The following DAB1 variants were observed in gnomAD, a reference collection of about 807,000 sequenced individuals.
DAB1 encodes DAB adaptor protein 1, also known as disabled homolog 1.
A neutral mutation model predicts 64.6 loss-of-function variants in DAB1; 15 were observed. The observed-to-expected ratio is 0.23, with a 90% CI of 0.16 to 0.36. The LOEUF (loss-of-function observed/expected upper bound fraction) is 0.36, where lower values mean the gene tolerates loss of function less well. Among genes scored for constraint, DAB1 ranks in the 10% least tolerant of loss-of-function variants. The pLI is 1.00. For missense variants in DAB1, 596 were observed against 706.7 expected (o/e 0.84, Z 1.78); for synonymous variants, 235 against 251.9 (o/e 0.93, Z 0.64).
chr1:57,429,394 C>T (rs1685415777), intron 7 of DAB1, among the ~76,000 whole-genome samples: 1 of 152,166 alleles, frequency 6.6e-6, no homozygotes, highest in African/African-American at 2.4e-5. Context: ...GTATTAACCC[C>T]TTATCAGATA....
At chr1:57,225,065 C>A (rs1317375579) in intron 2 of DAB1, among the ~76,000 whole-genome samples, 1 of 152,182 alleles carries the variant, frequency 6.6e-6, no homozygotes, top group Non-Finnish European at 1.5e-5. Flanking sequence ...GGCCCACCCA[C>A]CCAAGATCTT....
chr1:57,349,893 T>G (rs1678440004), intron 1 of DAB1, among the ~76,000 whole-genome samples: 1 of 152,218 alleles, frequency 6.6e-6, no homozygotes. Flanking sequence ...TAATTATGTC[T>G]GCAGAATCTC....
chr1:58,296,203 A>AAGAAAG (rs1661981896), intron 4 of DAB1, among the ~76,000 whole-genome samples: 1 of 89,650 alleles, frequency 1.1e-5, no homozygotes, highest in African/African-American at 4.9e-5. Context: ...AAGAGAAAGA[A>AAGAAAG]AGAAAGAAAG....
intron 1 of DAB1, among the ~76,000 whole-genome samples, chr1:57,833,065 G>GAAAAAAAA (rs3082004): frequency 6.9e-6 from 1 of 145,092 alleles, no homozygotes. Context: ...GACTGAGACT[G>GAAAAAAAA]AAAAAAAAAA....
chr1:58,489,031 A>T (rs1030943146), intron 3 of DAB1, among the ~76,000 whole-genome samples: 4 of 152,230 alleles, frequency 2.6e-5, no homozygotes, highest in African/African-American at 9.6e-5. Context: ...CAGAAGACGA[A>T]CGATTTCTCC....
chr1:57,504,983 C>T (rs1389591722), intron 7 of DAB1, among the ~76,000 whole-genome samples: 1 of 152,050 alleles, frequency 6.6e-6, no homozygotes, highest in Non-Finnish European at 1.5e-5. Flanking sequence ...CTTAAGAAGA[C>T]ATGATGATGA....
chr1:57,419,477 AG>A (rs2101082800), intron 1 of DAB1, among the ~76,000 whole-genome samples: 1 of 150,898 alleles, frequency 6.6e-6, no homozygotes, highest in South Asian at 2.1e-4. Flanking sequence ...AAAATGTGTA[AG>A]GAAATATTTC....
chr1:57,107,227 T>C (rs1655246366), intron 4 of DAB1, among the ~76,000 whole-genome samples: 1 of 151,684 alleles, frequency 6.6e-6, no homozygotes, highest in African/African-American at 2.4e-5. Context: ...ATACAAAAAT[T>C]AGCTGGGCAT....
intron 5 of DAB1, among the ~76,000 whole-genome samples, chr1:57,912,834 C>T (rs1162803518): frequency 6.6e-6 from 1 of 152,128 alleles, no homozygotes; most frequent in Admixed American, 6.5e-5. Flanking sequence ...GAGTGAACTC[C>T]CATTCACAAT....
chr1:58,372,753 A>G (rs896625576), intron 3 of DAB1, among the ~76,000 whole-genome samples: 2 of 152,062 alleles, frequency 1.3e-5, no homozygotes, highest in African/African-American at 4.8e-5. Context: ...TTTTCATGAG[A>G]TCTGATGCTT....
intron 1 of DAB1, among the ~76,000 whole-genome samples, chr1:57,403,402 G>C (rs942298823): frequency 1.2e-4 from 18 of 152,184 alleles, no homozygotes; most frequent in Non-Finnish European, 5.9e-5. Flanking sequence ...AGTTGATGGA[G>C]CTCTTGGCTC....
At chr1:58,514,198 A>C (rs1646125360) in intron 2 of DAB1, among the ~76,000 whole-genome samples, 1 of 152,210 alleles carries the variant, frequency 6.6e-6, no homozygotes, top group Non-Finnish European at 1.5e-5. Context: ...AATCCAGAGA[A>C]TATAAATGTA....
chr1:58,403,224 A>C (rs748637790), intron 3 of DAB1, among the ~76,000 whole-genome samples: 6 of 152,006 alleles, frequency 3.9e-5, no homozygotes, highest in Non-Finnish European at 8.8e-5. Context: ...AATTCTGTAC[A>C]TATCCTCAGG....
intron 5 of DAB1, among the ~76,000 whole-genome samples, chr1:57,908,200 G>C (rs1202797): frequency 0.2 from 29,948 of 151,870 alleles, 3,369 homozygotes; most frequent in Admixed American, 0.27. Flanking sequence ...ACCAGCCCAG[G>C]GCCCAGGTCC....
At chr1:57,915,620 T>C (rs189688268) in intron 5 of DAB1, among the ~76,000 whole-genome samples, 194 of 152,252 alleles carry the variant, frequency 1.3e-3, no homozygotes, top group African/African-American at 4.2e-3. Flanking sequence ...ACTTGATCCC[T>C]TGAAGTTATT....
intron 7 of DAB1, among the ~76,000 whole-genome samples, chr1:57,070,369 T>C (rs943936017): frequency 2.0e-5 from 3 of 152,240 alleles, no homozygotes; most frequent in Admixed American, 6.5e-5. Flanking sequence ...TTTCCCTTTT[T>C]TTCTGCATCT....
chr1:57,642,179 C>T (rs1455841159), intron 7 of DAB1, among the ~76,000 whole-genome samples: 3 of 152,078 alleles, frequency 2.0e-5, no homozygotes, highest in Non-Finnish European at 4.4e-5. Flanking sequence ...AAACATGTCT[C>T]AGTACCATAG....
chr1:58,032,113 G>A (rs891085573), intron 5 of DAB1, among the ~76,000 whole-genome samples: 2 of 151,974 alleles, frequency 1.3e-5, no homozygotes, highest in East Asian at 1.9e-4. Flanking sequence ...ATCTGGGAGA[G>A]GGCTAGGAAT....
intron 5 of DAB1, among the ~76,000 whole-genome samples, chr1:57,915,823 G>A (rs533754871): frequency 1.9e-4 from 29 of 152,264 alleles, no homozygotes; most frequent in Middle Eastern, 3.4e-3. Flanking sequence ...AAAGAGGGAC[G>A]ATCACAGTAT....
Sources: allele counts gnomAD v4.1 joint callset (sites outside exome capture counted in the v4.1 genomes callset), GRCh38; gene constraint gnomAD v4.1.1; transcripts MANE v1.5; gene names NCBI Gene and HGNC (gene_info 2026-07-23, HGNC 2026-07-21).